Variants in CNOT4 observed in about 807,000 individuals in gnomAD.
CNOT4 encodes CCR4-associated factor 4.
In CNOT4, 8 loss-of-function variants were observed where a neutral mutation model predicts 73.8. The ratio of observed to expected loss-of-function variants is 0.11; its 90% CI spans 0.06 to 0.20. CNOT4 has a LOEUF of 0.20. CNOT4 is among the 10% of genes least tolerant of loss of function. The probability of loss-of-function intolerance (pLI) is 1.00; values close to 1 mark genes in which losing one functional copy is unlikely to be tolerated. For missense variants in CNOT4, 564 were observed against 883.4 expected (o/e 0.64, Z 4.58); for synonymous variants, 293 against 321.1 (o/e 0.91, Z 0.94).
chr7:135,474,398 C>T (rs911386916), intron 1 of CNOT4, among the ~76,000 whole-genome samples: 1 of 151,100 alleles, frequency 6.6e-6, no homozygotes. Context: ...AATTCTCCTG[C>T]CTCAGCCTCC....
At chr7:135,436,203 C>CT (rs1257289425) in intron 2 of CNOT4, among the ~76,000 whole-genome samples, 1 of 149,400 alleles carries the variant, frequency 6.7e-6, no homozygotes, top group Non-Finnish European at 1.5e-5. Flanking sequence ...ATTTTTTTTT[C>CT]TTTTTTTACT....
intron 9 of CNOT4, 141 bp downstream of exon 9, chr7:135,395,493 T>C: frequency 1.1e-6 from 1 of 905,228 alleles, no homozygotes; most frequent in Non-Finnish European, 1.7e-6. Flanking sequence ...CCTAATTCCA[T>C]GTAGTTTAAA....
intron 1 of CNOT4, among the ~76,000 whole-genome samples, chr7:135,492,438 A>G (rs1425947350): frequency 1.3e-5 from 2 of 152,202 alleles, no homozygotes; most frequent in Non-Finnish European, 2.9e-5. Flanking sequence ...ATTGAATTAT[A>G]CAAGGTAAGG....
intron 1 of CNOT4, among the ~76,000 whole-genome samples, chr7:135,451,185 T>A (rs1159387315): frequency 1.3e-5 from 2 of 152,226 alleles, no homozygotes; most frequent in Non-Finnish European, 2.9e-5. Flanking sequence ...GCTAAGTTAC[T>A]GTGTATCAGT....
At chr7:135,379,948 TA>T (rs5887733) in intron 10 of CNOT4, among the ~76,000 whole-genome samples, 150,393 of 152,326 alleles carry the variant, frequency 0.99, 74,271 homozygotes, top group Middle Eastern at 1. Flanking sequence ...GTGTAAATGC[TA>T]AGTGCAGTCC....
In CNOT4 at chr7:135,481,211, A is replaced by G. The variant is rs186314971; in HGVS notation, c.-93+28678T>C. On this transcript the variant is annotated intron_variant, in intron 1 of 11. Transcript: ENST00000541284. ...TTAATGTGACAAGAGACTAATATCC[A>G]GAATATACAAGAAACTCAAACCATT... Among the ~76,000 whole-genome samples the G allele has an allele frequency of 3.1e-3, 473 of 152,298 alleles. 5 individuals carry two copies. The highest frequency in any genetic ancestry group is 2.0e-3 in the Non-Finnish European group (133 of 68,036).
chr7:135,432,444 C>T (rs1184845020), intron 2 of CNOT4, among the ~76,000 whole-genome samples: 2 of 152,214 alleles, frequency 1.3e-5, no homozygotes, highest in Non-Finnish European at 1.5e-5. Flanking sequence ...ACTAATTCAA[C>T]CATCAAATCT....
chr7:135,434,227 C>T (rs1299623967), intron 2 of CNOT4, among the ~76,000 whole-genome samples: 1 of 152,216 alleles, frequency 6.6e-6, no homozygotes, highest in Non-Finnish European at 1.5e-5. Context: ...TGTGTTAACA[C>T]AACCACTGTA....
Position 135,496,976 on chromosome 7 carries a change from A to AT in CNOT4, c.-93+12912dup, listed in dbSNP as rs750392058. Among the ~76,000 whole-genome samples, 1,371 of 146,552 alleles carry AT rather than the reference A, an allele frequency of 9.4e-3. 6 individuals carry two copies. Among genetic ancestry groups the AT allele is most frequent in the Non-Finnish European group, 0.015 (961 of 66,058 alleles). On this transcript the variant is annotated intron_variant, in intron 1 of 11. Transcript: ENST00000541284. ...AGTGCACCACCAAGCCTGGATAATT[A>AT]TTTTTTTTTTTTAAGAAATGGAGTC... is the stretch of plus-strand genomic sequence containing the variant.
At chr7:135,429,487 T>C (rs1259797732) in intron 2 of CNOT4, among the ~76,000 whole-genome samples, 1 of 152,198 alleles carries the variant, frequency 6.6e-6, no homozygotes, top group Non-Finnish European at 1.5e-5. Flanking sequence ...TACATCCATA[T>C]TGCTACTTCT....
At chr7:135,388,355 A>G (rs1796228286) in intron 10 of CNOT4, 1 of 983,526 alleles carries the variant, frequency 1.0e-6, no homozygotes, top group Non-Finnish European at 1.2e-6. Flanking sequence ...TTTCTTCTCA[A>G]GTATTCAAAG....
In CNOT4 at chr7:135,485,725, G is replaced by T. The variant is rs563367832; in HGVS notation, c.-93+24164C>A. Among the ~76,000 whole-genome samples, 6 of 152,232 alleles carry T rather than the reference G, an allele frequency of 3.9e-5. No homozygotes were observed. The South Asian group carries it at 1.2e-3, about 32-fold the overall frequency. ...AGAAGGGAAGGGGGAAGGGAAGCGG[G>T]ACAAGAAGGGGGAAGAGTTATCAAC... is the stretch of plus-strand genomic sequence containing the variant. On this transcript the variant is annotated intron_variant, in intron 1 of 11. Transcript: ENST00000541284.
chr7:135,496,957 C>A (rs1223637531), intron 1 of CNOT4, among the ~76,000 whole-genome samples: 1 of 152,026 alleles, frequency 6.6e-6, no homozygotes, highest in Non-Finnish European at 1.5e-5. Context: ...CATGAGTGCA[C>A]CACCAAGCCT....
chr7:135,480,455 C>T (rs550101597), intron 1 of CNOT4, among the ~76,000 whole-genome samples: 71 of 152,350 alleles, frequency 4.7e-4, no homozygotes, highest in Non-Finnish European at 7.8e-4. Context: ...CTCTCATCTA[C>T]AATTCAACTT....
At chr7:135,413,819 C>T (rs1797706060) in intron 5 of CNOT4, among the ~76,000 whole-genome samples, 1 of 151,968 alleles carries the variant, frequency 6.6e-6, no homozygotes, top group African/African-American at 2.4e-5. Context: ...CTAAAGGAAA[C>T]ATCTGTCTAT....
chr7:135,369,644 G>A (rs949223862), intron 10 of CNOT4, among the ~76,000 whole-genome samples: 1 of 152,140 alleles, frequency 6.6e-6, no homozygotes, highest in Non-Finnish European at 1.5e-5. Flanking sequence ...TCAGAAACCT[G>A]GTTCCTACTA....
At chr7:135,404,930 G>A (rs1339634633) in intron 7 of CNOT4, among the ~76,000 whole-genome samples, 2 of 152,126 alleles carry the variant, frequency 1.3e-5, no homozygotes, top group Non-Finnish European at 2.9e-5. Flanking sequence ...TCAAGCACCA[G>A]ATATTTTCAA....
At chr7:135,388,676 G>A (rs1487374788) in intron 10 of CNOT4, 9 of 1,375,112 alleles carry the variant, frequency 6.5e-6, no homozygotes, top group East Asian at 5.2e-5. Context: ...CATGAGGAAC[G>A]TTTATATTGG....
rs149823304 is a variant in CNOT4 at position 135,421,577 on chromosome 7, G to A, written c.372+579C>T. On this transcript the variant is annotated intron_variant, in intron 3 of 11. Transcript: ENST00000541284. ...GAAAAAAGAGGTACTAAGAAACAAGGTTAAGCTCTCTCCTCCCCCGAATGA... is the reference window on the plus strand; with the variant it reads ...GAAAAAAGAGGTACTAAGAAACAAGATTAAGCTCTCTCCTCCCCCGAATGA... 3.2e-3 allele frequency among the ~76,000 whole-genome samples: 487 copies of A among 152,254 alleles called. 1 individual carries two copies. Among genetic ancestry groups the A allele is most frequent in the Non-Finnish European group, 4.5e-3 (307 of 68,012 alleles).
Sources: gnomAD v4.1 joint callset for allele counts (sites outside exome capture counted in the v4.1 genomes callset) on GRCh38, gnomAD v4.1.1 for gene constraint, MANE v1.5 for transcripts, NCBI Gene and HGNC (gene_info 2026-07-23, HGNC 2026-07-21) for gene names.